BTBD16: variants seen among roughly 807,000 people sequenced by gnomAD.
BTBD16 encodes BTB/POZ domain-containing protein 16.
Under a neutral mutation model 67.4 loss-of-function variants are expected in BTBD16, and 66 were observed. That is an observed-to-expected ratio of 0.98 (90% CI 0.80 to 1.20). BTBD16 has a LOEUF of 1.20. Ranked by LOEUF, BTBD16 falls within the 50% of genes most tolerant of loss-of-function variation. The pLI is 0.00. For synonymous variants in BTBD16, 242 were observed against 236.4 expected (o/e 1.02, Z -0.22); for missense variants, 634 against 616.0 (o/e 1.03, Z -0.31).
intron 10 of BTBD16, among the ~76,000 whole-genome samples, chr10:122,310,931 A>C (rs2096412668): frequency 6.6e-6 from 1 of 152,186 alleles, no homozygotes; most frequent in Non-Finnish European, 1.5e-5. Context: ...GAATCCGGAA[A>C]GGAGGGTCGA....
chr10:122,312,788 A>G (rs918661765), intron 10 of BTBD16, among the ~76,000 whole-genome samples: 3 of 152,044 alleles, frequency 2.0e-5, no homozygotes, highest in African/African-American at 7.3e-5. Flanking sequence ...GTTCTTTTCT[A>G]TGTTCTGCTA....
chr10:122,297,676 C>G, intron 7 of BTBD16, 92 bp from the exon 8 acceptor site: 1 of 1,396,356 alleles, frequency 7.2e-7, no homozygotes, highest in Non-Finnish European at 1.0e-6. Context: ...AAGTCTGCTG[C>G]TGTCCTGGAG....
intron 9 of BTBD16, among the ~76,000 whole-genome samples, chr10:122,300,415 A>G (rs898939163): frequency 6.6e-6 from 1 of 151,864 alleles, no homozygotes; most frequent in Middle Eastern, 3.2e-3. Flanking sequence ...ACTGCCAATC[A>G]CCCTAGAGTT....
chr10:122,314,149 T>C (rs1166702313), intron 10 of BTBD16, among the ~76,000 whole-genome samples: 1 of 152,120 alleles, frequency 6.6e-6, no homozygotes, highest in Non-Finnish European at 1.5e-5. Flanking sequence ...GTAGATCAAT[T>C]TGGGGAAAAT....
At chr10:122,291,857 GA>G (rs2096374691) in intron 7 of BTBD16, among the ~76,000 whole-genome samples, 1 of 152,200 alleles carries the variant, frequency 6.6e-6, no homozygotes, top group Non-Finnish European at 1.5e-5. Flanking sequence ...TGCCCATCGG[GA>G]GGGTTCATCA....
At chr10:122,277,279 C>T (rs773666789) in intron 3 of BTBD16, among the ~76,000 whole-genome samples, 18 of 151,664 alleles carry the variant, frequency 1.2e-4, no homozygotes, top group Non-Finnish European at 2.2e-4. Context: ...TTAGTCCTGG[C>T]TCAGTGTTTA....
intron 3 of BTBD16, among the ~76,000 whole-genome samples, chr10:122,277,768 C>A (rs1421923633): frequency 4.6e-5 from 7 of 152,114 alleles, no homozygotes; most frequent in Admixed American, 4.6e-4. Context: ...CCCTTATGAC[C>A]AAAATGCCTC....
chr10:122,332,700 C>T (rs1278861595), intron 13 of BTBD16, 187 bp downstream of exon 13: 4 of 672,476 alleles, frequency 5.9e-6, no homozygotes, highest in East Asian at 2.7e-4. Flanking sequence ...AAGGGAGGGG[C>T]CTGGGGCGGG....
intron 3 of BTBD16, among the ~76,000 whole-genome samples, chr10:122,278,400 T>C (rs1372207296): frequency 6.6e-6 from 1 of 152,186 alleles, no homozygotes. Flanking sequence ...ATCTTTCAAA[T>C]GGTTATAGAG....
At chr10:122,334,460 G>T (rs1233218631) in intron 13 of BTBD16, among the ~76,000 whole-genome samples, 2 of 134,618 alleles carry the variant, frequency 1.5e-5, no homozygotes, top group African/African-American at 5.6e-5. Flanking sequence ...CTCCCAAAGT[G>T]CTGGGATTAC....
chr10:122,273,219 A>AAGATAGAT (rs1564943129), intron 1 of BTBD16, among the ~76,000 whole-genome samples: 1 of 66,758 alleles, frequency 1.5e-5, no homozygotes, highest in African/African-American at 8.6e-5. Context: ...CAGCAACACA[A>AAGATAGAT]AGATATATAT....
intron 7 of BTBD16, among the ~76,000 whole-genome samples, chr10:122,297,406 T>C (rs1281745359): frequency 2.0e-5 from 3 of 152,062 alleles, no homozygotes; most frequent in Non-Finnish European, 2.9e-5. Flanking sequence ...ACCATAAGGG[T>C]CTGTACAGGA....
At chr10:122,306,165 A>G (rs2096403384) in intron 9 of BTBD16, among the ~76,000 whole-genome samples, 1 of 152,200 alleles carries the variant, frequency 6.6e-6, no homozygotes, top group Non-Finnish European at 1.5e-5. Flanking sequence ...AAGATGCTGA[A>G]CTGCTGACTT....
Position 122,331,966 on chromosome 10 carries a change from G to A in BTBD16, c.1087-470G>A, listed in dbSNP as rs543250141. On this transcript the variant is annotated intron_variant, in intron 12 of 15. Coordinates refer to ENST00000260723, the MANE Select transcript of BTBD16 (RefSeq NM_144587.5). ...GAGCAGCAGAGGACTGACAGAGAGG[G>A]GACAGTCTGTGCAGACATCTCGGGA... is the stretch of plus-strand genomic sequence containing the variant. 14 of 163,718 alleles carry A rather than the reference G, an allele frequency of 8.6e-5. No individual in the cohort carries two copies. The South Asian group carries it at 2.0e-3, about 23-fold the overall frequency. The allele number at this position is 163,718 out of a possible 1,614,324, so 10.1% of individuals were successfully genotyped here.
chr10:122,292,533 T>A (rs2096376037), intron 7 of BTBD16, among the ~76,000 whole-genome samples: 1 of 152,156 alleles, frequency 6.6e-6, no homozygotes, highest in Non-Finnish European at 1.5e-5. Flanking sequence ...TTGGGTGAGG[T>A]GGTAATGTTG....
chr10:122,309,587 C>A (rs958621240), intron 10 of BTBD16, among the ~76,000 whole-genome samples: 1 of 152,024 alleles, frequency 6.6e-6, no homozygotes, highest in Non-Finnish European at 1.5e-5. Context: ...TCGCGATCCA[C>A]CCGCCTCGGC....
chr10:122,328,937 C>A, intron 10 of BTBD16: 1 of 589,078 alleles, frequency 1.7e-6, no homozygotes, highest in Non-Finnish European at 2.1e-6. Context: ...GTTCCCCACA[C>A]AGCCGTTCTC....
chr10:122,331,446 G>A (rs1257010065), intron 12 of BTBD16, among the ~76,000 whole-genome samples, 188 bp downstream of exon 12: 1 of 152,144 alleles, frequency 6.6e-6, no homozygotes, highest in East Asian at 1.9e-4. Flanking sequence ...ACCCAGCCTT[G>A]GAATCCGGGT....
chr10:122,308,107 G>A (rs563543876), intron 10 of BTBD16, among the ~76,000 whole-genome samples: 1 of 152,320 alleles, frequency 6.6e-6, no homozygotes, highest in East Asian at 1.9e-4. Context: ...ATGCACACCA[G>A]GAGGAATTGC....
Sources: allele counts gnomAD v4.1 joint callset (sites outside exome capture counted in the v4.1 genomes callset), GRCh38; gene constraint gnomAD v4.1.1; transcripts MANE v1.5; gene names NCBI Gene and HGNC (gene_info 2026-07-23, HGNC 2026-07-21).